TSC2: variants seen among roughly 807,000 people sequenced by gnomAD.
The protein encoded by TSC2 is tuberin.
Under a neutral mutation model 202.2 loss-of-function variants are expected in TSC2, and 29 were observed. That is an observed-to-expected ratio of 0.14 (90% confidence interval 0.11 to 0.20). The LOEUF (loss-of-function observed/expected upper bound fraction) is 0.20. Ranked by LOEUF, TSC2 falls within the 10% of genes least tolerant of loss-of-function variation. The pLI, the probability that TSC2 is intolerant of heterozygous loss-of-function variation, is 1.00. For synonymous variants in TSC2, 1,349 were observed against 1,044.0 expected, an observed-to-expected ratio of 1.29 and a Z score of -5.63; for missense variants, 2,429 against 2,420.0, an observed-to-expected ratio of 1.00 and a Z score of -0.08.
rs1345979923 is a variant in TSC2 at position 2,065,269 on chromosome 16, T to C, written c.1600-250T>C. On this transcript the variant is annotated intron_variant, in intron 15 of 41. Transcript: ENST00000219476. ...TCTACTAAAAATACAAAAAATTAGC[T>C]GGGCGTGGTGGCGGGCGCCTGTAGT... is the stretch of plus-strand genomic sequence containing the variant. The C allele has an allele frequency of 6.5e-5, 30 of 464,534 alleles. No homozygotes were observed. In the Admixed American group the frequency reaches 7.7e-4, roughly 12 times the overall value. The allele number at this position is 464,534 out of a possible 1,614,324, so 28.8% of individuals were successfully genotyped here. A position where few individuals can be genotyped will look rare whatever the true frequency, so the allele number is the denominator to read the frequency against.
At chr16:2,070,830 C>T (rs549749758) in intron 17 of TSC2, among the ~76,000 whole-genome samples, 5 of 152,348 alleles carry the variant, frequency 3.3e-5, no homozygotes, top group South Asian at 4.1e-4. Flanking sequence ...AAAGGACGCA[C>T]GGCGACTTCC....
rs772915632 is a variant in TSC2, at chr16:2,086,775, C to T, written c.4893C>T (p.Asp1631=). 6 of 1,611,338 alleles carry T rather than the reference C, an allele frequency of 3.7e-6. No individual in the cohort carries two copies. The African/African-American group carries it at 5.3e-5, about 14-fold the overall frequency. Residue 1631 remains aspartate (D), a synonymous_variant, in exon 38 of 42, where the codon GAC becomes GAT. Coordinates refer to ENST00000219476, the MANE Select transcript of TSC2 (RefSeq NM_000548.5). ...CCCTGATGCCCACCAAGGACGTGGACAAGCACCGCTGCGACAAGAAGCGCC... is the reference window on the plus strand; with the variant it reads ...CCCTGATGCCCACCAAGGACGTGGATAAGCACCGCTGCGACAAGAAGCGCC... ...IATLMPTKDV[D]KHRCDKKRHL...
intron 36 of TSC2, among the ~76,000 whole-genome samples, 156 bp from the exon 37 acceptor site, chr16:2,086,037 C>T (rs556794028): frequency 2.0e-5 from 3 of 152,258 alleles, no homozygotes; most frequent in Admixed American, 2.0e-4. Context: ...GGATGACACC[C>T]GATGTCTGGC....
chr16:2,068,021 C>A (rs2087643553), intron 16 of TSC2, among the ~76,000 whole-genome samples: 2 of 152,162 alleles, frequency 1.3e-5, no homozygotes, highest in South Asian at 4.1e-4. Flanking sequence ...AGGCAGAGTC[C>A]TGGTTCTGGC....
rs1030185956 is a variant in TSC2 at position 2,074,448 on chromosome 16, G to T, written c.2545+59G>T. 10 of 1,589,110 alleles carry T rather than the reference G, an allele frequency of 6.3e-6. No homozygotes were observed. In the Admixed American group the frequency reaches 1.2e-4, roughly 19 times the overall value. ...GAGGTTCGGGCTGTGTAACCTGTGC[G>T]GGCTTCTCTGGTGCCCTCTCTCAGG... On this transcript the variant is annotated intron_variant, in intron 22 of 41. Coordinates refer to ENST00000219476, the MANE Select transcript of TSC2 (RefSeq NM_000548.5).
At chr16:2,084,151 C>T in intron 33 of TSC2, 77 bp from the exon 34 acceptor site, 10 of 1,548,806 alleles carry the variant, frequency 6.5e-6, no homozygotes, top group Non-Finnish European at 8.7e-6. Context: ...GATAGGGCCT[C>T]ACCACCTCCA....
At chr16:2,048,877 C>T in intron 2 of TSC2, 124 bp downstream of exon 2, 1 of 1,411,162 alleles carries the variant, frequency 7.1e-7, no homozygotes, top group East Asian at 2.3e-5. Context: ...ATGCTGTCTC[C>T]AGTACTTGGA....
intron 11 of TSC2, chr16:2,061,523 C>T (rs542253915): frequency 1.7e-5 from 7 of 403,472 alleles, no homozygotes; most frequent in Admixed American, 7.2e-5. Flanking sequence ...CCCTCCTGCC[C>T]GAGCTTCCTT....
chr16:2,064,119 C>A, intron 14 of TSC2, 153 bp from the exon 15 acceptor site: 1 of 1,264,912 alleles, frequency 7.9e-7, no homozygotes, highest in Non-Finnish European at 1.1e-6. Flanking sequence ...CTCTGAGTCG[C>A]GCTCAGCGGG....
chr16:2,071,164 T>C (rs893408683), intron 17 of TSC2, among the ~76,000 whole-genome samples: 1 of 152,072 alleles, frequency 6.6e-6, no homozygotes, highest in Non-Finnish European at 1.5e-5. Flanking sequence ...ATGGAAGAAG[T>C]GGCAGGGCTG....
chr16:2,082,562 C>T (rs2090276004), intron 32 of TSC2, 58 bp downstream of exon 32: 2 of 1,586,120 alleles, frequency 1.3e-6, no homozygotes, highest in African/African-American at 1.3e-5. Context: ...CTCATAGGTG[C>T]TGTGCTCGTC....
intron 1 of TSC2, 165 bp downstream of exon 1, chr16:2,048,230 G>T: frequency 1.4e-6 from 2 of 1,449,372 alleles, no homozygotes; most frequent in Non-Finnish European, 9.5e-7. Flanking sequence ...GTGCGAACGG[G>T]TCTCTGCTGC....
At chr16:2,062,381 G>A in intron 12 of TSC2, 116 bp from the exon 13 acceptor site, 4 of 981,990 alleles carry the variant, frequency 4.1e-6, no homozygotes, top group Non-Finnish European at 6.3e-6. Flanking sequence ...GCTGTGGGCT[G>A]CAGGCTGTGA....
chr16:2,076,417 C>T (rs1474626974), intron 24 of TSC2, 74 bp from the exon 25 acceptor site: 4 of 1,599,140 alleles, frequency 2.5e-6, no homozygotes, highest in Non-Finnish European at 3.4e-6. Context: ...GGCCAGGGGG[C>T]ACCCGGCAGG....
rs771970930 is a variant in TSC2, at chr16:2,074,407, C to T, written c.2545+18C>T. 5.6e-6 allele frequency: 9 copies of T among 1,607,556 alleles called. No individual in the cohort carries two copies. The South Asian group carries it at 9.9e-5, about 18-fold the overall frequency. On this transcript the variant is annotated intron_variant, in intron 22 of 41. Coordinates refer to ENST00000219476, the MANE Select transcript of TSC2 (RefSeq NM_000548.5). ...CCTGTCCAGTGAGTCCCCGCCCTGC[C>T]TGCGCATGCACCCGAGAGGTTCGGG...
chr16:2,088,860 C>G lies in TSC2; in HGVS notation c.*250C>G. The stretch of plus-strand genomic sequence containing the variant: ...CCTTGAGGCTGCCTGGGCCATACAG[C>G]ACACTCGCGCGTGCGCGCGCGCACA... On this transcript the variant is annotated 3_prime_UTR_variant, in exon 42 of 42. Coordinates refer to ENST00000219476, the MANE Select transcript of TSC2 (RefSeq NM_000548.5). 1 of 555,230 alleles carries G rather than the reference C, an allele frequency of 1.8e-6. No homozygotes were observed. Among genetic ancestry groups the G allele is most frequent in the Non-Finnish European group, 3.2e-6 (1 of 313,402 alleles). The allele number at this position is 555,230 out of a possible 1,614,324, so 34.4% of individuals were successfully genotyped here.
rs1567462577 is a variant in TSC2 at position 2,071,600 on chromosome 16, T to G, written c.1930T>G (p.Cys644Gly). ...TGGAGTCGTGCGGTTCAGCCCCTACTGCGTCTGCGACTACATGTACGCGGG... is the reference window on the plus strand; with the variant it reads ...TGGAGTCGTGCGGTTCAGCCCCTACGGCGTCTGCGACTACATGTACGCGGG... ...KDGVVRFSPY[C>G]VCDYMEPERG... The change falls in exon 18 of 42, where the codon TGC becomes GGC. Residue 644 changes from cysteine (C) to glycine (G), a missense_variant. Cys to Gly is a radical substitution (Grantham distance 159). Coordinates refer to ENST00000219476, the MANE Select transcript of TSC2 (RefSeq NM_000548.5). 6.2e-7 allele frequency: 1 copy of G among 1,613,376 alleles called. No homozygotes were observed. The highest frequency in any genetic ancestry group is 8.5e-7 in the Non-Finnish European group (1 of 1,180,014).
At chr16:2,083,557 G>A (rs1368178004) in intron 32 of TSC2, 138 bp from the exon 33 acceptor site, 3 of 1,438,606 alleles carry the variant, frequency 2.1e-6, no homozygotes, top group South Asian at 1.2e-5. Context: ...TCGGTGGATG[G>A]CAGCAGTAAG....
intron 1 of TSC2, 188 bp downstream of exon 1, chr16:2,048,253 G>A: frequency 7.6e-7 from 1 of 1,320,180 alleles, no homozygotes; most frequent in Non-Finnish European, 1.1e-6. Context: ...GCGGCTCCGT[G>A]ACAGCTCCTG....
Sources: allele counts gnomAD v4.1 joint callset (sites outside exome capture counted in the v4.1 genomes callset), GRCh38; gene constraint gnomAD v4.1.1; transcripts MANE v1.5; gene names NCBI Gene and HGNC (gene_info 2026-07-23, HGNC 2026-07-21).